ST6GALNAC3: variants seen among roughly 807,000 people sequenced by gnomAD.
The protein encoded by ST6GALNAC3 is ST6 N-acetylgalactosaminide alpha-2,6-sialyltransferase 3.
In ST6GALNAC3, 25 loss-of-function variants were observed where a neutral mutation model predicts 32.7. The ratio of observed to expected loss-of-function variants is 0.76; its 90% CI spans 0.56 to 1.07. ST6GALNAC3 has a LOEUF of 1.07. Among genes scored for constraint, ST6GALNAC3 ranks in the 50% least tolerant of loss-of-function variants. The pLI is 0.00. For synonymous variants in ST6GALNAC3, 129 were observed against 133.1 expected, an observed-to-expected ratio of 0.97 and a Z score of 0.21; for missense variants, 355 against 382.4, an observed-to-expected ratio of 0.93 and a Z score of 0.60.
chr1:76,398,947 G>A (rs537500813), intron 2 of ST6GALNAC3, among the ~76,000 whole-genome samples: 20 of 151,994 alleles, frequency 1.3e-4, no homozygotes, highest in African/African-American at 3.4e-4. Context: ...GTAACATCTC[G>A]TTTTTAAAAT....
chr1:76,354,047 T>G (rs1649234222), intron 2 of ST6GALNAC3: 1 of 155,824 alleles, frequency 6.4e-6, no homozygotes. Flanking sequence ...TCTCCCACCA[T>G]GACAGGTGCC....
intron 3 of ST6GALNAC3, among the ~76,000 whole-genome samples, chr1:76,591,492 G>A (rs546918831): frequency 2.6e-5 from 4 of 151,940 alleles, no homozygotes; most frequent in Admixed American, 6.6e-5. Context: ...ATTTATCCTG[G>A]ACATACATCA....
At chr1:76,599,486 C>G (rs1467068651) in intron 3 of ST6GALNAC3, among the ~76,000 whole-genome samples, 2 of 148,532 alleles carry the variant, frequency 1.3e-5, no homozygotes, top group African/African-American at 5.0e-5. Context: ...GTGTGATGTT[C>G]CCCGTGTCCA....
At chr1:76,373,585 T>C (rs867498963) in intron 2 of ST6GALNAC3, among the ~76,000 whole-genome samples, 4 of 152,136 alleles carry the variant, frequency 2.6e-5, no homozygotes, top group Non-Finnish European at 5.9e-5. Context: ...CTGTGGAGGC[T>C]TTCTTGATCT....
At chr1:76,377,480 G>C (rs1651329953) in intron 2 of ST6GALNAC3, among the ~76,000 whole-genome samples, 1 of 152,010 alleles carries the variant, frequency 6.6e-6, no homozygotes, top group African/African-American at 2.4e-5. Flanking sequence ...GAGAGAGAAG[G>C]GGAAAGTGCT....
intron 1 of ST6GALNAC3, among the ~76,000 whole-genome samples, chr1:76,204,125 C>T (rs1654690428): frequency 6.6e-6 from 1 of 152,000 alleles, no homozygotes; most frequent in Admixed American, 6.6e-5. Context: ...TTTTAATTCC[C>T]CACAGATTAG....
rs965932854 is a variant in ST6GALNAC3 at position 76,632,910 on chromosome 1, A to T, written c.*4104A>T. On this transcript the variant is annotated 3_prime_UTR_variant, in exon 5 of 5. Coordinates refer to ENST00000328299, the MANE Select transcript of ST6GALNAC3 (RefSeq NM_152996.4). ...TTTGCATGTCTTAGCACAACAAAGG[A>T]TTTACAGTCTGAGGGCCAAGAGAGA... 1 of 152,176 alleles carries T rather than the reference A, an allele frequency of 6.6e-6. No individual in the cohort carries two copies. Among genetic ancestry groups the T allele is most frequent in the Admixed American group, 6.5e-5 (1 of 15,276 alleles). 9.4% of individuals were successfully genotyped at this position (152,176 alleles called of 1,614,324 possible). A position where few individuals can be genotyped will look rare whatever the true frequency, so the allele number is the denominator to read the frequency against.
chr1:76,368,618 C>A (rs1050940117), intron 2 of ST6GALNAC3, among the ~76,000 whole-genome samples: 1 of 152,174 alleles, frequency 6.6e-6, no homozygotes, highest in African/African-American at 2.4e-5. Context: ...GCACCTAACA[C>A]ACAATGCCTG....
At position 76,098,348 on chromosome 1, in the gene ST6GALNAC3, G is replaced by C. The variant is rs190310696; in HGVS notation, c.18+23464G>C. Among the ~76,000 whole-genome samples, 18 of 152,174 alleles carry C rather than the reference G, an allele frequency of 1.2e-4. No individual in the cohort carries two copies. The East Asian group carries it at 3.5e-3, about 29-fold the overall frequency. ...TTCTAAATCTTTCACAATTTTTCCTGATGGTAGATATTACCAACCTGTTTT... is the reference window on the plus strand; with the variant it reads ...TTCTAAATCTTTCACAATTTTTCCTCATGGTAGATATTACCAACCTGTTTT... On this transcript the variant is annotated intron_variant, in intron 1 of 4. Transcript: ENST00000328299.
intron 3 of ST6GALNAC3, among the ~76,000 whole-genome samples, chr1:76,543,775 A>G (rs1664132046): frequency 6.6e-6 from 1 of 152,216 alleles, no homozygotes; most frequent in Admixed American, 6.5e-5. Flanking sequence ...GCTCAAGCCG[A>G]TGTATCTTTT....
chr1:76,498,363 A>C (rs1175649396), intron 3 of ST6GALNAC3, among the ~76,000 whole-genome samples: 3 of 152,276 alleles, frequency 2.0e-5, no homozygotes, highest in Non-Finnish European at 2.9e-5. Context: ...GTGAGTACAT[A>C]GGTAATTTTT....
intron 3 of ST6GALNAC3, among the ~76,000 whole-genome samples, chr1:76,602,179 A>G (rs1647265584): frequency 6.6e-6 from 1 of 152,178 alleles, no homozygotes; most frequent in African/African-American, 2.4e-5. Context: ...GATTGCATGT[A>G]CACATAGGAA....
chr1:76,362,764 G>A (rs1465698169), intron 2 of ST6GALNAC3, among the ~76,000 whole-genome samples: 1 of 152,226 alleles, frequency 6.6e-6, no homozygotes, highest in Non-Finnish European at 1.5e-5. Flanking sequence ...GGGACACACT[G>A]ATGCAAGGGG....
At chr1:76,613,059 G>T (rs1648040358) in intron 3 of ST6GALNAC3, among the ~76,000 whole-genome samples, 1 of 152,164 alleles carries the variant, frequency 6.6e-6, no homozygotes, top group Non-Finnish European at 1.5e-5. Flanking sequence ...GCCTGTGTCT[G>T]TAAGACGACT....
chr1:76,488,750 CAGCTCTGCACAAATTT>C (rs1410155015), intron 3 of ST6GALNAC3, among the ~76,000 whole-genome samples: 1 of 152,186 alleles, frequency 6.6e-6, no homozygotes, highest in Non-Finnish European at 1.5e-5. Context: ...CTCCCAGAGC[CAGCTCTGCACAAATTT>C]GTGAAGAACA....
At chr1:76,201,877 A>G (rs1654539487) in intron 1 of ST6GALNAC3, among the ~76,000 whole-genome samples, 1 of 152,168 alleles carries the variant, frequency 6.6e-6, no homozygotes, top group African/African-American at 2.4e-5. Context: ...TCAAGTTTAT[A>G]ATTACTAAGA....
At chr1:76,620,943 G>A (rs779642274) in intron 3 of ST6GALNAC3, among the ~76,000 whole-genome samples, 19 of 152,020 alleles carry the variant, frequency 1.2e-4, no homozygotes, top group African/African-American at 1.7e-4. Context: ...TTAAAAAGGC[G>A]TTAAAGCCTA....
chr1:76,636,545 C>T (rs1649509561), downstream of ST6GALNAC3, among the ~76,000 whole-genome samples: 1 of 152,046 alleles, frequency 6.6e-6, no homozygotes, highest in Non-Finnish European at 1.5e-5. Flanking sequence ...TACTAATATG[C>T]CTTAAAAAGA....
At chr1:76,384,327 T>A (rs948880121) in intron 2 of ST6GALNAC3, among the ~76,000 whole-genome samples, 4 of 152,106 alleles carry the variant, frequency 2.6e-5, no homozygotes, top group Non-Finnish European at 5.9e-5. Flanking sequence ...AAATGGGCAA[T>A]TTGACAGGAA....
Sources: gnomAD v4.1 joint callset for allele counts (sites outside exome capture counted in the v4.1 genomes callset) on GRCh38, gnomAD v4.1.1 for gene constraint, MANE v1.5 for transcripts, NCBI Gene and HGNC (gene_info 2026-07-23, HGNC 2026-07-21) for gene names.